DGKI: variants seen among roughly 807,000 people sequenced by gnomAD.
The protein encoded by DGKI is diacylglycerol kinase iota, also known as DAG kinase iota.
A neutral mutation model predicts 147.5 loss-of-function variants in DGKI; 55 were observed. The ratio of observed to expected loss-of-function variants is 0.37; its 90% confidence interval spans 0.30 to 0.47. DGKI has a LOEUF of 0.47. Among genes scored for constraint, DGKI ranks in the 20% least tolerant of loss-of-function variants. The pLI is 1.00. For missense variants in DGKI, 1,007 were observed against 1,323.8 expected (o/e 0.76, Z 3.71); for synonymous variants, 469 against 477.1 (o/e 0.98, Z 0.22).
intron 1 of DGKI, among the ~76,000 whole-genome samples, chr7:137,769,002 A>T (rs1796099252): frequency 6.6e-6 from 1 of 152,204 alleles, no homozygotes. Flanking sequence ...ACTATAAGAG[A>T]TTTCTGAAGA....
At chr7:137,424,741 G>A (rs555158473) in intron 28 of DGKI, among the ~76,000 whole-genome samples, 14 of 152,230 alleles carry the variant, frequency 9.2e-5, no homozygotes, top group South Asian at 4.2e-4. Flanking sequence ...ATTATATCTC[G>A]CACCTGGATT....
chr7:137,478,174 C>T (rs1815242257), intron 23 of DGKI, among the ~76,000 whole-genome samples: 1 of 152,024 alleles, frequency 6.6e-6, no homozygotes, highest in Admixed American at 6.6e-5. Flanking sequence ...ACACACATAG[C>T]TTATATAAGT....
In DGKI at chr7:137,765,099, C is replaced by T. The variant is rs529004983; in HGVS notation, c.402-75097G>A. Among the ~76,000 whole-genome samples the T allele has an allele frequency of 1.8e-4, 27 of 152,286 alleles. No homozygotes were observed. In the South Asian group the frequency reaches 2.1e-3, roughly 12 times the overall value. On this transcript the variant is annotated intron_variant, in intron 1 of 32. Coordinates refer to ENST00000614521, the MANE Select transcript of DGKI (RefSeq NM_001321708.2). Reference sequence around the variant, plus strand: ...CCCTTCTCTGGGCAAACATGAGGCGCCAGGTGCAGTCCAACCATTGAAGAG... The same window carrying T: ...CCCTTCTCTGGGCAAACATGAGGCGTCAGGTGCAGTCCAACCATTGAAGAG...
At chr7:137,631,585 G>A (rs1314849179) in intron 6 of DGKI, among the ~76,000 whole-genome samples, 1 of 152,168 alleles carries the variant, frequency 6.6e-6, no homozygotes, top group Admixed American at 6.5e-5. Context: ...ACTGGATCCT[G>A]AGGGTGAAGG....
intron 19 of DGKI, among the ~76,000 whole-genome samples, chr7:137,566,719 TAGG>T (rs1781469838): frequency 6.6e-6 from 1 of 152,140 alleles, no homozygotes; most frequent in African/African-American, 2.4e-5. Flanking sequence ...CTACAAATGA[TAGG>T]AGAAGAATAA....
At chr7:137,818,700 C>T (rs932217901) in intron 1 of DGKI, among the ~76,000 whole-genome samples, 14 of 152,190 alleles carry the variant, frequency 9.2e-5, no homozygotes, top group Admixed American at 7.9e-4. Flanking sequence ...CCTCAGCCTC[C>T]CAAAGTGCTG....
At chr7:137,644,167 C>T (rs1026859562) in intron 6 of DGKI, among the ~76,000 whole-genome samples, 3 of 152,156 alleles carry the variant, frequency 2.0e-5, no homozygotes, top group African/African-American at 7.2e-5. Context: ...CCTCCTTTTC[C>T]CCAGGACATG....
chr7:137,399,436 G>T (rs1811668654), intron 30 of DGKI, among the ~76,000 whole-genome samples: 1 of 152,130 alleles, frequency 6.6e-6, no homozygotes, highest in Admixed American at 6.6e-5. Flanking sequence ...ACATACAAAA[G>T]TGCAGAGCAG....
At chr7:137,510,235 C>T (rs531147030) in intron 21 of DGKI, among the ~76,000 whole-genome samples, 12 of 152,318 alleles carry the variant, frequency 7.9e-5, no homozygotes, top group African/African-American at 2.9e-4. Flanking sequence ...GATGTAAATG[C>T]CTACTTTTGA....
At chr7:137,393,886 C>T (rs1811453320) in intron 32 of DGKI, among the ~76,000 whole-genome samples, 1 of 152,174 alleles carries the variant, frequency 6.6e-6, no homozygotes, top group Non-Finnish European at 1.5e-5. Context: ...ATAAAGTGGA[C>T]TGCAGTTTGA....
intron 8 of DGKI, among the ~76,000 whole-genome samples, chr7:137,617,798 G>A (rs906784716): frequency 3.9e-4 from 59 of 151,868 alleles, no homozygotes; most frequent in Non-Finnish European, 1.6e-4. Flanking sequence ...GGGTGCAAGT[G>A]ATTTCTCTGT....
intron 30 of DGKI, among the ~76,000 whole-genome samples, chr7:137,403,936 C>T (rs1389013741): frequency 6.6e-6 from 1 of 151,950 alleles, no homozygotes; most frequent in East Asian, 1.9e-4. Flanking sequence ...ATGCCATAGT[C>T]TGGTATACAT....
intron 28 of DGKI, among the ~76,000 whole-genome samples, chr7:137,414,536 TAA>T (rs60810063): frequency 0.83 from 122,078 of 146,250 alleles, 52,240 homozygotes; most frequent in East Asian, 0.98. Flanking sequence ...GTGTTATGTG[TAA>T]AAAAAAAAAA....
chr7:137,441,986 TG>T (rs1212173380), intron 28 of DGKI, among the ~76,000 whole-genome samples: 1 of 152,058 alleles, frequency 6.6e-6, no homozygotes, highest in African/African-American at 2.4e-5. Context: ...ATATTTTGAG[TG>T]GTGGATAGAA....
chr7:137,639,950 C>T (rs747530033), intron 6 of DGKI, among the ~76,000 whole-genome samples: 1 of 151,748 alleles, frequency 6.6e-6, no homozygotes, highest in Non-Finnish European at 1.5e-5. Context: ...CAATCCATGA[C>T]AAAAGCATAT....
At chr7:137,608,519 G>C (rs917808424) in intron 10 of DGKI, among the ~76,000 whole-genome samples, 1 of 152,144 alleles carries the variant, frequency 6.6e-6, no homozygotes, top group Non-Finnish European at 1.5e-5. Flanking sequence ...ATTTGGTAGG[G>C]ATTATCATGG....
intron 21 of DGKI, among the ~76,000 whole-genome samples, chr7:137,517,859 C>T (rs1816835242): frequency 6.6e-6 from 1 of 152,052 alleles, no homozygotes; most frequent in Non-Finnish European, 1.5e-5. Context: ...GTCATTACAG[C>T]AGATGTTTAC....
At chr7:137,771,900 G>A (rs566297042) in intron 1 of DGKI, 2 of 152,312 alleles carry the variant, frequency 1.3e-5, no homozygotes, top group East Asian at 3.9e-4. Flanking sequence ...CCAGAATCAT[G>A]AAAAGGCAGT....
chr7:137,403,202 A>C (rs1585080012), intron 30 of DGKI, among the ~76,000 whole-genome samples: 1 of 152,010 alleles, frequency 6.6e-6, no homozygotes, highest in Non-Finnish European at 1.5e-5. Context: ...GGAATTATTA[A>C]CTCTTCCTCC....
Sources: gnomAD v4.1 joint callset for allele counts (sites outside exome capture counted in the v4.1 genomes callset) on GRCh38, gnomAD v4.1.1 for gene constraint, MANE v1.5 for transcripts, NCBI Gene and HGNC (gene_info 2026-07-23, HGNC 2026-07-21) for gene names.